ATP2B2: variants seen among roughly 807,000 people sequenced by gnomAD.
ATP2B2 encodes the protein ATPase plasma membrane Ca2+ transporting 2.
A neutral mutation model predicts 120.0 loss-of-function variants in ATP2B2; 15 were observed. That is an observed-to-expected ratio of 0.12 (90% CI 0.08 to 0.19). The LOEUF (loss-of-function observed/expected upper bound fraction) is 0.19. Ranked by LOEUF, ATP2B2 falls within the 10% of genes least tolerant of loss-of-function variation. The pLI is 1.00. For synonymous variants in ATP2B2, 694 were observed against 700.3 expected, an observed-to-expected ratio of 0.99 and a Z score of 0.14; for missense variants, 1,045 against 1,719.8, an observed-to-expected ratio of 0.61 and a Z score of 6.94.
At chr3:10,521,869 A>G (rs1477922983) in intron 3 of ATP2B2, among the ~76,000 whole-genome samples, 3 of 151,830 alleles carry the variant, frequency 2.0e-5, no homozygotes, top group Non-Finnish European at 4.4e-5. Flanking sequence ...TCTTACAGCA[A>G]CCCTGCTAGG....
At position 10,324,697 on chromosome 3, in the gene ATP2B2, G is replaced by A. The variant is rs1474524741; in HGVS notation, c.*4117C>T. 4 of 152,232 alleles carry A rather than the reference G, an allele frequency of 2.6e-5. No homozygotes were observed. Among genetic ancestry groups the A allele is most frequent in the Non-Finnish European group, 5.9e-5 (4 of 68,084 alleles). 9.4% of individuals were successfully genotyped at this position (152,232 alleles called of 1,614,324 possible). ...CGCAAGAGTGGGCTAGGGGAGTGAG[G>A]GTTCCGAGAAGGCCCAGGCAAGAAC... On this transcript the variant is annotated 3_prime_UTR_variant, in exon 23 of 23. Transcript: ENST00000360273.
At chr3:10,449,168 C>A (rs1443355909) in intron 2 of ATP2B2, among the ~76,000 whole-genome samples, 177 bp downstream of exon 2, 2 of 152,244 alleles carry the variant, frequency 1.3e-5, no homozygotes, top group African/African-American at 4.8e-5. Context: ...AAGCCCTGCT[C>A]CCCAGCCTAT....
At chr3:10,604,741 T>C (rs2125596904) in intron 2 of ATP2B2, among the ~76,000 whole-genome samples, 1 of 152,326 alleles carries the variant, frequency 6.6e-6, no homozygotes, top group South Asian at 2.1e-4. Flanking sequence ...ATATTAATAA[T>C]TGCATGGAGC....
chr3:10,509,908 GT>G (rs996477278), upstream of ATP2B2, among the ~76,000 whole-genome samples: 5 of 152,274 alleles, frequency 3.3e-5, no homozygotes, highest in African/African-American at 9.6e-5. Context: ...TGAGTCCCAG[GT>G]TTTTTTCATC....
intron 3 of ATP2B2, among the ~76,000 whole-genome samples, chr3:10,530,786 G>C (rs2067195195): frequency 6.6e-6 from 1 of 152,216 alleles, no homozygotes; most frequent in South Asian, 2.1e-4. Flanking sequence ...ATTTTAAGGA[G>C]GGATGAGTCA....
Position 10,375,192 on chromosome 3 carries a change from G to A in ATP2B2, c.1416+238C>T, listed in dbSNP as rs1321820347. ...CACCCCTGCAAGGCGGCGTGTGGCTGGGCTGAATAACAGCTGCCTCTTCAG... is the reference window on the plus strand; with the variant it reads ...CACCCCTGCAAGGCGGCGTGTGGCTAGGCTGAATAACAGCTGCCTCTTCAG... On this transcript the variant is annotated intron_variant, in intron 11 of 22. Coordinates refer to ENST00000360273, the MANE Select transcript of ATP2B2 (RefSeq NM_001001331.4). The surrounding 1 kb of genome is among the most constrained non-coding windows in gnomAD (Gnocchi z 4.2). Among the ~76,000 whole-genome samples the A allele has an allele frequency of 3.9e-5, 6 of 152,202 alleles. No individual in the cohort carries two copies. Among genetic ancestry groups the A allele is most frequent in the African/African-American group, 7.2e-5 (3 of 41,442 alleles).
chr3:10,355,633 T>C (rs2060693773), intron 14 of ATP2B2, among the ~76,000 whole-genome samples: 1 of 152,148 alleles, frequency 6.6e-6, no homozygotes, highest in Non-Finnish European at 1.5e-5. Context: ...GGCCCCCCTT[T>C]CCCAGAGTCT....
chr3:10,539,619 G>T (rs1023247477), intron 2 of ATP2B2, among the ~76,000 whole-genome samples: 1 of 152,166 alleles, frequency 6.6e-6, no homozygotes, highest in Non-Finnish European at 1.5e-5. Flanking sequence ...AATGGGGAAA[G>T]GATCCCCTAT....
intron 2 of ATP2B2, among the ~76,000 whole-genome samples, chr3:10,577,051 C>CA (rs71055823): frequency 0.021 from 2,286 of 109,230 alleles, 46 homozygotes; most frequent in African/African-American, 0.049. Context: ...GACTCTGTGT[C>CA]AAAAAAAAAA....
chr3:10,351,639 C>T (rs2060581375), intron 14 of ATP2B2, among the ~76,000 whole-genome samples: 1 of 152,128 alleles, frequency 6.6e-6, no homozygotes, highest in Non-Finnish European at 1.5e-5. Context: ...GCCCTAAGCC[C>T]CAGTACCTGT....
At chr3:10,481,572 G>C (rs1230324043) in intron 1 of ATP2B2, among the ~76,000 whole-genome samples, 2 of 151,884 alleles carry the variant, frequency 1.3e-5, no homozygotes, top group African/African-American at 4.8e-5. Flanking sequence ...TTATTTTTTT[G>C]AGACACAGTC....
rs749056818 is a variant in ATP2B2 at position 10,512,464 on chromosome 3, G to GCGCGCGCGCACACACACACACACACA, written c.-320+21574_-320+21575insTGTGTGTGTGTGTGTGTGCGCGCGCG. ...TATTCCTGGGTGCTAAAGTGTGTGCGCACACACACACACACACACACACAC... is the reference window on the plus strand; with the variant it reads ...TATTCCTGGGTGCTAAAGTGTGTGCGCGCGCGCGCACACACACACACACACACACACACACACACACACACACACAC... On this transcript the variant is annotated intron_variant, in intron 3 of 21. Transcript: ENST00000646379. Among the ~76,000 whole-genome samples the GCGCGCGCGCACACACACACACACACA allele has an allele frequency of 8.8e-5, 12 of 137,026 alleles. No homozygotes were observed. In the East Asian group the frequency reaches 1.4e-3, roughly 15 times the overall value. The allele number at this position is 137,026 out of a possible 152,430, so 89.9% of individuals were successfully genotyped here. A position where few individuals can be genotyped will look rare whatever the true frequency, so the allele number is the denominator to read the frequency against.
chr3:10,378,524 G>C (rs1685858113), intron 9 of ATP2B2, 114 bp from the exon 10 acceptor site: 9 of 1,366,408 alleles, frequency 6.6e-6, no homozygotes, highest in Non-Finnish European at 9.1e-6. Context: ...GGTAGGTGCT[G>C]ACTGCCTGGA....
At chr3:10,422,982 TG>T (rs2063035906) in intron 2 of ATP2B2, among the ~76,000 whole-genome samples, 1 of 152,114 alleles carries the variant, frequency 6.6e-6, no homozygotes, top group Admixed American at 6.5e-5. Context: ...GTGTGGGGGC[TG>T]GGGATCTGAG....
At chr3:10,393,696 C>T (rs2061933782) in intron 5 of ATP2B2, among the ~76,000 whole-genome samples, 1 of 152,206 alleles carries the variant, frequency 6.6e-6, no homozygotes, top group Non-Finnish European at 1.5e-5. Flanking sequence ...AAATGGGAGC[C>T]CAGGCTCAGG....
At chr3:10,472,547 C>T (rs1244263087) in intron 1 of ATP2B2, among the ~76,000 whole-genome samples, 1 of 152,212 alleles carries the variant, frequency 6.6e-6, no homozygotes, top group East Asian at 1.9e-4. Flanking sequence ...GCAGCCAAAA[C>T]ACACCGCTCT....
intron 1 of ATP2B2, among the ~76,000 whole-genome samples, chr3:10,469,175 G>A (rs779302355): frequency 1.3e-5 from 2 of 152,232 alleles, no homozygotes; most frequent in Non-Finnish European, 2.9e-5. Flanking sequence ...CATGGGGCCT[G>A]CACATGATAA....
chr3:10,691,121 C>G (rs2071653916), intron 1 of ATP2B2, among the ~76,000 whole-genome samples: 1 of 152,214 alleles, frequency 6.6e-6, no homozygotes, highest in African/African-American at 2.4e-5. Context: ...GGAAACAGCA[C>G]AAGCCTTGCA....
At chr3:10,669,565 C>G (rs760713732) in intron 1 of ATP2B2, among the ~76,000 whole-genome samples, 2 of 152,138 alleles carry the variant, frequency 1.3e-5, no homozygotes, top group African/African-American at 2.4e-5. Context: ...GGGCCCCTCC[C>G]GTAGACTCTG....
Sources: allele counts gnomAD v4.1 joint callset (sites outside exome capture counted in the v4.1 genomes callset), GRCh38; gene constraint gnomAD v4.1.1; non-coding constraint Gnocchi (gnomAD v3.1); transcripts MANE v1.5; gene names NCBI Gene and HGNC (gene_info 2026-07-23, HGNC 2026-07-21).